The following PPM1E variants were observed in gnomAD, a reference collection of about 807,000 sequenced individuals.
The protein encoded by PPM1E is protein phosphatase, Mg2+/Mn2+ dependent 1E, also known as protein phosphatase 1E.
PPM1E carries 20 observed loss-of-function variants against 65.9 expected under a neutral mutation model. The ratio of observed to expected loss-of-function variants is 0.30; its 90% CI spans 0.21 to 0.44. PPM1E has a LOEUF of 0.44. Ranked by LOEUF, PPM1E falls within the 20% of genes least tolerant of loss-of-function variation. The pLI is 1.00. For missense variants in PPM1E, 713 were observed against 953.1 expected (o/e 0.75, Z 3.32); for synonymous variants, 352 against 374.9 (o/e 0.94, Z 0.70).
chr17:58,809,327 G>A (rs769416287), intron 1 of PPM1E, among the ~76,000 whole-genome samples: 14 of 151,940 alleles, frequency 9.2e-5, no homozygotes, highest in Non-Finnish European at 1.6e-4. Flanking sequence ...GGCCTCAAGC[G>A]ATCCTCCCAC....
At chr17:58,859,545 A>G (rs1040534335) in intron 1 of PPM1E, among the ~76,000 whole-genome samples, 3 of 152,208 alleles carry the variant, frequency 2.0e-5, no homozygotes, top group African/African-American at 7.2e-5. Context: ...GGCAAGGAGA[A>G]TTTGTCAGAC....
intron 1 of PPM1E, among the ~76,000 whole-genome samples, chr17:58,766,972 C>T (rs535324016): frequency 1.9e-4 from 29 of 152,248 alleles, no homozygotes; most frequent in African/African-American, 6.7e-4. Flanking sequence ...TAACTATAAT[C>T]TAGAAACAAT....
intron 1 of PPM1E, among the ~76,000 whole-genome samples, chr17:58,879,730 C>T (rs1022264097): frequency 6.6e-6 from 1 of 152,038 alleles, no homozygotes; most frequent in East Asian, 1.9e-4. Flanking sequence ...AGGATGGTCT[C>T]AATCTCCTGA....
chr17:58,794,191 C>A (rs1160113595), intron 1 of PPM1E, among the ~76,000 whole-genome samples: 1 of 151,866 alleles, frequency 6.6e-6, no homozygotes, highest in African/African-American at 2.4e-5. Context: ...GTGATCCGCC[C>A]ACCTCAGCCT....
At chr17:58,955,432 G>C in intron 1 of PPM1E, 1 of 608,816 alleles carries the variant, frequency 1.6e-6, no homozygotes. Context: ...TTTGTCATCT[G>C]TCTGTAGCTC....
chr17:58,884,570 A>T (rs1362786546), intron 1 of PPM1E, among the ~76,000 whole-genome samples: 1 of 152,146 alleles, frequency 6.6e-6, no homozygotes, highest in African/African-American at 2.4e-5. Context: ...GAATATTAAT[A>T]TTAGATCTGC....
rs2144112447 is a variant in PPM1E at position 58,755,901 on chromosome 17, A to G, written c.-97A>G. 3 of 1,547,480 alleles carry G rather than the reference A, an allele frequency of 1.9e-6. No individual in the cohort carries two copies. The highest frequency in any genetic ancestry group is 4.6e-5 in the East Asian group (2 of 43,912). On this transcript the variant is annotated 5_prime_UTR_variant, in exon 1 of 7. Transcript: ENST00000308249. ...ATCGCTCGTGCCGGTGCGGCCGTTAACCGCCCTTGCCGGAGCCCTAGGCTC... is the reference window on the plus strand; with the variant it reads ...ATCGCTCGTGCCGGTGCGGCCGTTAGCCGCCCTTGCCGGAGCCCTAGGCTC...
intron 1 of PPM1E, among the ~76,000 whole-genome samples, chr17:58,893,177 T>A (rs531266463): frequency 6.6e-6 from 1 of 152,348 alleles, no homozygotes; most frequent in African/African-American, 2.4e-5. Flanking sequence ...GCAACTTTAT[T>A]CATAATTATC....
chr17:58,843,418 G>A (rs1057442584), intron 1 of PPM1E, among the ~76,000 whole-genome samples: 2 of 151,854 alleles, frequency 1.3e-5, no homozygotes, highest in African/African-American at 4.8e-5. Flanking sequence ...TACTTGGAAG[G>A]CTGAGGCAGG....
rs2031625063 is a variant in PPM1E at position 58,984,610 on chromosome 17, G to GTGA, written c.*3582_*3584dup. ...AATTTTTTTCACCTTTGAAAATCACGTGATGTTAAAGGACAAATGCCCACT... is the reference window on the plus strand; with the variant it reads ...AATTTTTTTCACCTTTGAAAATCACGTGATGATGTTAAAGGACAAATGCCCACT... On this transcript the variant is annotated 3_prime_UTR_variant, in exon 7 of 7. Coordinates refer to ENST00000308249, the MANE Select transcript of PPM1E (RefSeq NM_014906.5). 2 of 152,486 alleles carry GTGA rather than the reference G, an allele frequency of 1.3e-5. No individual in the cohort carries two copies. Among genetic ancestry groups the GTGA allele is most frequent in the African/African-American group, 2.4e-5 (1 of 41,414 alleles). The allele number at this position is 152,486 out of a possible 1,614,324, so 9.4% of individuals were successfully genotyped here.
chr17:58,910,345 G>T (rs770232291), intron 1 of PPM1E, among the ~76,000 whole-genome samples: 1 of 151,890 alleles, frequency 6.6e-6, no homozygotes, highest in African/African-American at 2.4e-5. Context: ...CATTCATTTT[G>T]GCTCTTTCTT....
intron 1 of PPM1E, among the ~76,000 whole-genome samples, chr17:58,798,254 A>C (rs1196259212): frequency 6.9e-6 from 1 of 145,014 alleles, no homozygotes; most frequent in Non-Finnish European, 1.5e-5. Context: ...TTTGAGACGA[A>C]GTCTCGTTCT....
At chr17:58,806,080 G>A (rs1198443082) in intron 1 of PPM1E, among the ~76,000 whole-genome samples, 2 of 151,018 alleles carry the variant, frequency 1.3e-5, no homozygotes, top group East Asian at 3.9e-4. Context: ...CTGTCTCGTG[G>A]CACTTAACTT....
intron 2 of PPM1E, 94 bp from the exon 3 acceptor site, chr17:58,965,600 G>A (rs1290579847): frequency 3.2e-5 from 39 of 1,210,772 alleles, no homozygotes; most frequent in Non-Finnish European, 4.5e-5. Context: ...GGAGGAACTT[G>A]ACTAAGGTGA....
Position 58,921,897 on chromosome 17 carries a change from G to A in PPM1E, c.465-33752G>A, listed in dbSNP as rs536806163. On this transcript the variant is annotated intron_variant, in intron 1 of 6. Coordinates refer to ENST00000308249, the MANE Select transcript of PPM1E (RefSeq NM_014906.5). The stretch of plus-strand genomic sequence containing the variant: ...CTCTACTAAAAATAAAAAATTAGCC[G>A]GGTGTGGTGGCACGCACCTGTAATC... Among the ~76,000 whole-genome samples, 37 of 151,784 alleles carry A rather than the reference G, an allele frequency of 2.4e-4. 1 individual carries two copies. Among genetic ancestry groups the A allele is most frequent in the Admixed American group, 6.6e-4 (10 of 15,224 alleles).
intron 1 of PPM1E, among the ~76,000 whole-genome samples, chr17:58,827,914 T>TAAA (rs1339405320): frequency 9.3e-6 from 1 of 107,676 alleles, no homozygotes; most frequent in African/African-American, 3.6e-5. Context: ...AAAAAAAAAA[T>TAAA]AATAATAATA....
At chr17:58,919,233 G>T (rs1283065965) in intron 1 of PPM1E, among the ~76,000 whole-genome samples, 1 of 152,132 alleles carries the variant, frequency 6.6e-6, no homozygotes, top group Non-Finnish European at 1.5e-5. Flanking sequence ...GAGAAATGTG[G>T]CATTTAGAAA....
chr17:58,816,487 C>A (rs2050415935), intron 1 of PPM1E, among the ~76,000 whole-genome samples: 1 of 151,486 alleles, frequency 6.6e-6, no homozygotes, highest in African/African-American at 2.4e-5. Context: ...CACCATCCAT[C>A]TCCAAAACTT....
chr17:58,971,964 T>C (rs1157144683), intron 4 of PPM1E, among the ~76,000 whole-genome samples, 168 bp from the exon 5 acceptor site: 4 of 152,260 alleles, frequency 2.6e-5, no homozygotes, highest in Non-Finnish European at 5.9e-5. Flanking sequence ...CATAAATACA[T>C]ACATGCATAT....
Sources: allele counts gnomAD v4.1 joint callset (sites outside exome capture counted in the v4.1 genomes callset), GRCh38; gene constraint gnomAD v4.1.1; transcripts MANE v1.5; gene names NCBI Gene and HGNC (gene_info 2026-07-23, HGNC 2026-07-21).